SLC17A1: variants seen among roughly 807,000 people sequenced by gnomAD.
SLC17A1 encodes the protein solute carrier family 17 member 1.
A neutral mutation model predicts 53.5 loss-of-function variants in SLC17A1; 51 were observed. That is an observed-to-expected ratio of 0.95 (90% CI 0.76 to 1.20). The LOEUF is 1.20. Among genes scored for constraint, SLC17A1 ranks in the 50% most tolerant of loss-of-function variants. The pLI, the probability that SLC17A1 is intolerant of heterozygous loss-of-function variation, is 0.00. For synonymous variants in SLC17A1, 179 were observed against 198.8 expected (o/e 0.90, Z 0.84); for missense variants, 538 against 568.2 (o/e 0.95, Z 0.54).
At chr6:25,776,834 C>A in the SLC17A1 span, 146 of 1,614,000 alleles carry the variant, frequency 9.0e-5, 4 homozygotes, top group East Asian at 7.6e-4. Context: ...CATCCGTGAT[C>A]CTCGTGTCCC....
At chr6:25,811,570 G>C (rs377700542) in intron 9 of SLC17A1, 25 bp from the exon 10 acceptor site, 1 of 1,613,648 alleles carries the variant, frequency 6.2e-7, no homozygotes. Flanking sequence ...AGACAACATA[G>C]TCAGGTGCAT....
the SLC17A1 span, among the ~76,000 whole-genome samples, chr6:25,776,148 C>A: frequency 1.3e-5 from 2 of 149,926 alleles, no homozygotes; most frequent in Admixed American, 1.3e-4. Flanking sequence ...CAGAGCATGC[C>A]AAAAAAAAAT....
At chr6:25,724,716 C>T in the SLC17A1 span, among the ~76,000 whole-genome samples, 1 of 152,176 alleles carries the variant, frequency 6.6e-6, no homozygotes, top group Non-Finnish European at 1.5e-5. Context: ...ACATTAATTA[C>T]TTGGAATTCA....
intron 12 of SLC17A1, among the ~76,000 whole-genome samples, chr6:25,787,780 A>G (rs1468875629): frequency 6.6e-6 from 1 of 152,242 alleles, no homozygotes; most frequent in Non-Finnish European, 1.5e-5. Context: ...CAAAGAATAC[A>G]TCCTGATGGC....
At chr6:25,791,724 T>C (rs1367306256) in intron 12 of SLC17A1, among the ~76,000 whole-genome samples, 1 of 152,204 alleles carries the variant, frequency 6.6e-6, no homozygotes, top group African/African-American at 2.4e-5. Flanking sequence ...CTTTAAGTGG[T>C]TAACACAGAA....
chr6:25,724,457 A>G, the SLC17A1 span, among the ~76,000 whole-genome samples: 83 of 152,298 alleles, frequency 5.4e-4, no homozygotes, highest in African/African-American at 1.9e-3. Flanking sequence ...CTGTAGGTAA[A>G]TTGTTTTGAA....
the SLC17A1 span, among the ~76,000 whole-genome samples, chr6:25,738,257 T>C: frequency 1.3e-5 from 2 of 152,158 alleles, no homozygotes; most frequent in African/African-American, 4.8e-5. Context: ...AACACACAGA[T>C]AGTCCTACAC....
the SLC17A1 span, among the ~76,000 whole-genome samples, chr6:25,753,289 A>T: frequency 6.6e-6 from 1 of 152,188 alleles, no homozygotes; most frequent in Non-Finnish European, 1.5e-5. Flanking sequence ...AGGGAAGGAC[A>T]GCAGGGCAGA....
chr6:25,761,301 A>C, the SLC17A1 span, among the ~76,000 whole-genome samples: 3 of 152,094 alleles, frequency 2.0e-5, no homozygotes, highest in African/African-American at 4.8e-5. Flanking sequence ...GAGGCATCTG[A>C]CTCTATATTA....
chr6:25,772,811 C>T, the SLC17A1 span, among the ~76,000 whole-genome samples: 2 of 152,150 alleles, frequency 1.3e-5, no homozygotes, highest in Non-Finnish European at 2.9e-5. Context: ...GGGGCAAACA[C>T]GCTACTAACT....
At chr6:25,805,725 G>A (rs1014339210) in intron 10 of SLC17A1, among the ~76,000 whole-genome samples, 9 of 152,006 alleles carry the variant, frequency 5.9e-5, no homozygotes, top group Non-Finnish European at 1.2e-4. Flanking sequence ...GACCATTAGA[G>A]ACTACTATGA....
rs763607529 is a variant in SLC17A1, at chr6:25,819,509, A to G, written c.529+2T>C. 2.1e-5 allele frequency: 33 copies of G among 1,607,110 alleles called. No individual in the cohort carries two copies. Among genetic ancestry groups the G allele is most frequent in the East Asian group, 6.7e-5 (3 of 44,870 alleles). On this transcript the variant is annotated splice_donor_variant, in intron 5 of 12. Transcript: ENST00000244527. LOFTEE classifies it high-confidence loss of function. ...CAAACATTCTAGGCTTTAATTCTTT[A>G]CCTGATGTACTCATAGAAGTAAGTC...
chr6:25,811,308 T>C (rs1373123965), intron 10 of SLC17A1, 90 bp downstream of exon 10: 1 of 1,351,684 alleles, frequency 7.4e-7, no homozygotes, highest in African/African-American at 1.5e-5. Context: ...CCACAAAGTA[T>C]CCATATTTTA....
chr6:25,762,419 G>A, the SLC17A1 span, among the ~76,000 whole-genome samples: 4 of 152,070 alleles, frequency 2.6e-5, no homozygotes, highest in African/African-American at 4.8e-5. Context: ...ACCTGACCCC[G>A]AACCCCAAAA....
chr6:25,729,214 T>C, the SLC17A1 span, among the ~76,000 whole-genome samples: 1 of 152,220 alleles, frequency 6.6e-6, no homozygotes, highest in Non-Finnish European at 1.5e-5. Flanking sequence ...ATATCAGATG[T>C]ATTTTGGCTG....
chr6:25,757,202 G>A, the SLC17A1 span, among the ~76,000 whole-genome samples: 2 of 152,132 alleles, frequency 1.3e-5, no homozygotes, highest in African/African-American at 4.8e-5. Context: ...ACCAGCTTTA[G>A]TGGTACGTTA....
At chr6:25,824,498 T>C (rs1014483878) in intron 3 of SLC17A1, among the ~76,000 whole-genome samples, 4 of 151,916 alleles carry the variant, frequency 2.6e-5, no homozygotes, top group Non-Finnish European at 4.4e-5. Context: ...AAGGAATGTT[T>C]TGAGTATTTA....
At chr6:25,745,357 T>C in the SLC17A1 span, among the ~76,000 whole-genome samples, 1 of 152,176 alleles carries the variant, frequency 6.6e-6, no homozygotes, top group African/African-American at 2.4e-5. Flanking sequence ...GTAAATGTTT[T>C]GTGTATGTAT....
the SLC17A1 span, among the ~76,000 whole-genome samples, chr6:25,761,621 T>C: frequency 6.6e-6 from 1 of 152,216 alleles, no homozygotes; most frequent in Non-Finnish European, 1.5e-5. Flanking sequence ...TTCATGTCCA[T>C]TTGATACTAG....
Sources: gnomAD v4.1 joint callset for allele counts (sites outside exome capture counted in the v4.1 genomes callset) on GRCh38, gnomAD v4.1.1 for gene constraint, MANE v1.5 for transcripts, NCBI Gene and HGNC (gene_info 2026-07-23, HGNC 2026-07-21) for gene names.